Variants in SOX6 observed in about 807,000 individuals in gnomAD.
SOX6 encodes the protein SRY-box transcription factor 6.
A neutral mutation model predicts 97.8 loss-of-function variants in SOX6; 11 were observed. The observed-to-expected ratio is 0.11, with a 90% CI of 0.07 to 0.19. SOX6 has a LOEUF of 0.19. Ranked by LOEUF, SOX6 falls within the 10% of genes least tolerant of loss-of-function variation. SOX6 has a pLI of 1.00. For synonymous variants in SOX6, 360 were observed against 371.4 expected (o/e 0.97, Z 0.35); for missense variants, 810 against 1,039.5 (o/e 0.78, Z 3.04).
intron 3 of SOX6, among the ~76,000 whole-genome samples, chr11:16,689,401 A>C (rs902155420): frequency 6.6e-6 from 1 of 152,228 alleles, no homozygotes; most frequent in Non-Finnish European, 1.5e-5. Flanking sequence ...AAGCTGGAAC[A>C]ACTGTAGGGC....
At chr11:16,260,589 A>G (rs558614393) in intron 3 of SOX6, among the ~76,000 whole-genome samples, 1 of 152,214 alleles carries the variant, frequency 6.6e-6, no homozygotes, top group South Asian at 2.1e-4. Context: ...TCTGAAAAAT[A>G]TATGTATTTT....
At chr11:16,508,628 A>T (rs918305586) in intron 4 of SOX6, among the ~76,000 whole-genome samples, 2 of 152,014 alleles carry the variant, frequency 1.3e-5, no homozygotes, top group Admixed American at 6.6e-5. Flanking sequence ...GAGGTAAAAA[A>T]AAAATGTGGT....
chr11:16,351,167 A>G lies in SOX6; in HGVS notation c.-5+4927T>C, dbSNP rs936083011. 3.3e-5 allele frequency among the ~76,000 whole-genome samples: 5 copies of G among 152,084 alleles called. No homozygotes were observed. The South Asian group carries it at 8.3e-4, about 25-fold the overall frequency. ...TCTGCAATTTCATATTAAACACCTT[A>G]AAACTAGATTCATCACTATTTTCCT... On this transcript the variant is annotated intron_variant, in intron 1 of 15. Coordinates refer to ENST00000683767, the MANE Select transcript of SOX6 (RefSeq NM_001367873.1).
intron 4 of SOX6, among the ~76,000 whole-genome samples, chr11:16,198,442 C>A (rs11023868): frequency 6.6e-6 from 1 of 151,906 alleles, no homozygotes; most frequent in Non-Finnish European, 1.5e-5. Flanking sequence ...CACTTTCTAA[C>A]GTAACTTTAA....
At chr11:16,120,579 T>C (rs1052902252) in intron 6 of SOX6, among the ~76,000 whole-genome samples, 3 of 150,316 alleles carry the variant, frequency 2.0e-5, no homozygotes, top group African/African-American at 7.3e-5. Flanking sequence ...TATATATATA[T>C]ATACACACAC....
intron 3 of SOX6, among the ~76,000 whole-genome samples, chr11:16,261,161 C>T (rs937866173): frequency 3.3e-5 from 5 of 152,092 alleles, no homozygotes; most frequent in African/African-American, 1.2e-4. Context: ...TCTTCTCTAT[C>T]AGACTATAAG....
intron 1 of SOX6, among the ~76,000 whole-genome samples, chr11:16,346,710 G>C (rs968656750): frequency 6.6e-6 from 1 of 152,042 alleles, no homozygotes. Flanking sequence ...AGCACTTTCA[G>C]AACAGATATG....
At chr11:16,239,347 T>C (rs1853116787) in intron 3 of SOX6, among the ~76,000 whole-genome samples, 1 of 152,006 alleles carries the variant, frequency 6.6e-6, no homozygotes, top group Admixed American at 6.6e-5. Flanking sequence ...ACAACTGATT[T>C]TCCAAATAAG....
rs145167624 is a variant in SOX6 at position 16,332,616 on chromosome 11, A to C, written c.237+8396T>G. Among the ~76,000 whole-genome samples the C allele has an allele frequency of 8.2e-4, 125 of 152,314 alleles. 2 individuals are homozygous for C. In the East Asian group the frequency reaches 0.023, roughly 28 times the overall value. The stretch of plus-strand genomic sequence containing the variant: ...AATATAAAGAAGATAAATGAAATGC[A>C]TAAATATTCATTTCTAATTTCAACC... On this transcript the variant is annotated intron_variant, in intron 2 of 15. Coordinates refer to ENST00000683767, the MANE Select transcript of SOX6 (RefSeq NM_001367873.1).
chr11:16,359,074 CCAGGTA>C (rs1456182417), upstream of SOX6, among the ~76,000 whole-genome samples: 2 of 146,766 alleles, frequency 1.4e-5, no homozygotes, highest in African/African-American at 2.6e-5. Context: ...GGATAAGAAA[CCAGGTA>C]CTAGAGAGAT....
chr11:16,016,407 C>T (rs1039081948), intron 12 of SOX6, among the ~76,000 whole-genome samples: 5 of 151,994 alleles, frequency 3.3e-5, no homozygotes, highest in African/African-American at 7.2e-5. Flanking sequence ...ATTACAATCA[C>T]GAGTTTCCCT....
intron 12 of SOX6, among the ~76,000 whole-genome samples, chr11:16,027,151 T>C (rs1855236874): frequency 6.6e-6 from 1 of 152,186 alleles, no homozygotes; most frequent in African/African-American, 2.4e-5. Flanking sequence ...ACGATAATAC[T>C]CTTCTATCTC....
intron 7 of SOX6, among the ~76,000 whole-genome samples, chr11:16,104,392 G>A (rs1849022406): frequency 6.6e-6 from 1 of 151,948 alleles, no homozygotes; most frequent in Non-Finnish European, 1.5e-5. Context: ...CACATACTTA[G>A]ACCAAGGCCC....
intron 4 of SOX6, among the ~76,000 whole-genome samples, chr11:16,558,883 T>G (rs1847777681): frequency 6.6e-6 from 1 of 152,088 alleles, no homozygotes; most frequent in South Asian, 2.1e-4. Flanking sequence ...TCACAGTGCT[T>G]ACATTTGCAA....
intron 7 of SOX6, among the ~76,000 whole-genome samples, chr11:16,101,704 G>A (rs1325499994): frequency 6.6e-6 from 1 of 151,546 alleles, no homozygotes; most frequent in Non-Finnish European, 1.5e-5. Context: ...TTCATACTAG[G>A]GATGCAGGGA....
At chr11:16,264,751 C>T (rs1023700018) in intron 3 of SOX6, 1 of 149,150 alleles carries the variant, frequency 6.7e-6, no homozygotes, top group African/African-American at 2.5e-5. Flanking sequence ...TAATTTTCAA[C>T]AATTCAATGA....
At chr11:16,167,062 C>G (rs1327690251) in intron 6 of SOX6, among the ~76,000 whole-genome samples, 1 of 152,110 alleles carries the variant, frequency 6.6e-6, no homozygotes, top group Non-Finnish European at 1.5e-5. Flanking sequence ...CATGTATGTC[C>G]TACTGCTTAC....
At chr11:16,284,653 A>G (rs887868451) in intron 3 of SOX6, among the ~76,000 whole-genome samples, 3 of 152,144 alleles carry the variant, frequency 2.0e-5, no homozygotes, top group African/African-American at 7.2e-5. Flanking sequence ...TTTACTAGGG[A>G]ATACAGGTAC....
chr11:16,342,440 T>C (rs1318713567), intron 1 of SOX6, among the ~76,000 whole-genome samples: 1 of 151,910 alleles, frequency 6.6e-6, no homozygotes, highest in Non-Finnish European at 1.5e-5. Flanking sequence ...TTTTAAAAAA[T>C]GCACAAATCA....
Sources: gnomAD v4.1 joint callset for allele counts (sites outside exome capture counted in the v4.1 genomes callset) on GRCh38, gnomAD v4.1.1 for gene constraint, MANE v1.5 for transcripts, NCBI Gene and HGNC (gene_info 2026-07-23, HGNC 2026-07-21) for gene names.